The following SNCAIP variants were observed in gnomAD, a reference collection of about 807,000 sequenced individuals.
The protein encoded by SNCAIP is synuclein alpha interacting protein.
In SNCAIP, 43 loss-of-function variants were observed where a neutral mutation model predicts 86.7. That is an observed-to-expected ratio of 0.50 (90% confidence interval 0.39 to 0.64). SNCAIP has a LOEUF of 0.64. SNCAIP is among the 30% of genes least tolerant of loss of function. The pLI is 0.00. For missense variants in SNCAIP, 981 were observed against 1,103.1 expected (o/e 0.89, Z 1.57); for synonymous variants, 417 against 427.2 (o/e 0.98, Z 0.29).
In SNCAIP at chr5:122,444,602, C is replaced by G. The variant is rs1277279755; in HGVS notation, c.1462C>G (p.His488Asp). 6.2e-7 allele frequency: 1 copy of G among 1,614,036 alleles called. No individual in the cohort carries two copies. The highest frequency in any genetic ancestry group is 1.3e-5 in the African/African-American group (1 of 74,918). The part of the protein sequence containing the change: ...EYGANVTMQN[H>D]AGEKPSQSAE... ...TGGAGCAAATGTCACCATGCAGAAC[C>G]ACGCTGGGGAAAAGCCCTCCCAGAG... The change falls in exon 8 of 11, where the codon CAC (histidine) becomes GAC (aspartate). Residue 488 changes from histidine (H) to aspartate (D), a missense_variant. Physicochemically the swap from His to Asp is moderately conservative, Grantham distance 81 (BLOSUM62 -1). Transcript: ENST00000261368.
chr5:122,356,641 C>A (rs1021944424), intron 1 of SNCAIP, among the ~76,000 whole-genome samples: 40 of 152,170 alleles, frequency 2.6e-4, no homozygotes, highest in Admixed American at 2.6e-3. Flanking sequence ...GGGTCAGTCC[C>A]TCCCCAGTGC....
At chr5:122,396,197 T>A (rs1415343891) in intron 2 of SNCAIP, among the ~76,000 whole-genome samples, 2 of 152,186 alleles carry the variant, frequency 1.3e-5, no homozygotes, top group Non-Finnish European at 2.9e-5. Context: ...TGTTCTAACA[T>A]CATATGCCAT....
chr5:122,343,429 T>C (rs966582368), intron 1 of SNCAIP, among the ~76,000 whole-genome samples: 1 of 152,194 alleles, frequency 6.6e-6, no homozygotes, highest in Non-Finnish European at 1.5e-5. Context: ...ATTTTAACTA[T>C]AGGATATTTG....
intron 1 of SNCAIP, among the ~76,000 whole-genome samples, chr5:122,356,639 C>A (rs1157693052): frequency 6.6e-6 from 1 of 152,172 alleles, no homozygotes; most frequent in Non-Finnish European, 1.5e-5. Flanking sequence ...CAGGGTCAGT[C>A]CCTCCCCAGT....
At position 122,403,708 on chromosome 5, in the gene SNCAIP, T is replaced by C. The variant is rs112222518; in HGVS notation, c.58-85T>C. ...ACATGTTGTGCCCAAGTATCACTTATTGTGTTTTGTTTTTCTGGCCAATCT... is the reference window on the plus strand; with the variant it reads ...ACATGTTGTGCCCAAGTATCACTTACTGTGTTTTGTTTTTCTGGCCAATCT... On this transcript the variant is annotated intron_variant, in intron 2 of 10. Coordinates refer to ENST00000261368, the MANE Select transcript of SNCAIP (RefSeq NM_005460.4). The C allele has an allele frequency of 3.2e-4, 324 of 1,020,530 alleles. No homozygotes were observed. In the African/African-American group the frequency reaches 4.2e-3, roughly 13 times the overall value. The allele number at this position is 1,020,530 out of a possible 1,614,324, so 63.2% of individuals were successfully genotyped here.
In SNCAIP at chr5:122,451,263, C is replaced by T. The variant is rs746527609; in HGVS notation, c.2416C>T (p.Arg806Cys). ...TGCCCTCAAGTCTCCATCTTCCAAG[C>T]GTAGGACATCTCAGAACTTAAAACT... Reference protein sequence around the residue: ...KSALKSPSSKRRTSQNLKLRV... With the variant: ...KSALKSPSSKCRTSQNLKLRV... The change falls in exon 10 of 11, where the codon CGT becomes TGT. Residue 806 changes from arginine to cysteine, a missense_variant. Arg to Cys is a radical substitution (Grantham distance 180, BLOSUM62 -3). Coordinates refer to ENST00000261368, the MANE Select transcript of SNCAIP (RefSeq NM_005460.4). The T allele has an allele frequency of 1.1e-5, 17 of 1,614,014 alleles. No individual in the cohort carries two copies. Among genetic ancestry groups the T allele is most frequent in the Admixed American group, 1.7e-5 (1 of 59,996 alleles).
chr5:122,367,280 A>C (rs1182529236), intron 1 of SNCAIP, among the ~76,000 whole-genome samples: 1 of 152,204 alleles, frequency 6.6e-6, no homozygotes, highest in Non-Finnish European at 1.5e-5. Flanking sequence ...AGACAGGTCC[A>C]GGTGTGATTG....
chr5:122,410,808 G>A (rs1439192318), intron 3 of SNCAIP, among the ~76,000 whole-genome samples: 2 of 152,200 alleles, frequency 1.3e-5, no homozygotes. Flanking sequence ...GGGTGACAGC[G>A]AGATTCCGTC....
intron 1 of SNCAIP, among the ~76,000 whole-genome samples, chr5:122,345,739 C>A (rs1758492910): frequency 6.6e-6 from 1 of 152,134 alleles, no homozygotes; most frequent in Non-Finnish European, 1.5e-5. Context: ...TGGTTCACTG[C>A]AACCTTTAAC....
chr5:122,428,276 G>A (rs1222316502), intron 5 of SNCAIP, among the ~76,000 whole-genome samples: 2 of 152,052 alleles, frequency 1.3e-5, no homozygotes, highest in Admixed American at 1.3e-4. Flanking sequence ...GTGGCCCCAG[G>A]CCCATAGACT....
chr5:122,338,877 GT>G (rs1199527994), intron 1 of SNCAIP, among the ~76,000 whole-genome samples: 1 of 152,100 alleles, frequency 6.6e-6, no homozygotes, highest in Non-Finnish European at 1.5e-5. Context: ...AATATATTAA[GT>G]CCTCTAAATA....
At chr5:122,354,772 C>G (rs1760670820) in intron 1 of SNCAIP, among the ~76,000 whole-genome samples, 1 of 152,038 alleles carries the variant, frequency 6.6e-6, no homozygotes, top group South Asian at 2.1e-4. Context: ...ATCAACTGGA[C>G]TTTTATTCAT....
chr5:122,321,599 T>C (rs946659877), intron 1 of SNCAIP: 1 of 152,214 alleles, frequency 6.6e-6, no homozygotes, highest in South Asian at 2.1e-4. Context: ...AAGCCCACCA[T>C]TGGCAGTGGG....
At chr5:122,450,060 G>A in intron 9 of SNCAIP, 123 bp downstream of exon 9, 1 of 728,242 alleles carries the variant, frequency 1.4e-6, no homozygotes, top group African/African-American at 1.8e-5. Context: ...TTATAAAGAG[G>A]AATAAAAATG....
At chr5:122,410,284 A>T (rs1773856160) in intron 3 of SNCAIP, among the ~76,000 whole-genome samples, 1 of 152,136 alleles carries the variant, frequency 6.6e-6, no homozygotes, top group Admixed American at 6.5e-5. Flanking sequence ...TATGAGGACA[A>T]TTTTTGCTGC....
intron 1 of SNCAIP, among the ~76,000 whole-genome samples, chr5:122,352,528 T>C (rs548984699): frequency 6.6e-6 from 1 of 152,318 alleles, no homozygotes; most frequent in Admixed American, 6.5e-5. Context: ...GACTCATCAA[T>C]TGTGGGCAAA....
At chr5:122,332,397 A>T (rs1383611051) in intron 1 of SNCAIP, among the ~76,000 whole-genome samples, 2 of 152,266 alleles carry the variant, frequency 1.3e-5, no homozygotes, top group Non-Finnish European at 1.5e-5. Context: ...TCCATGTGTA[A>T]TGAAACAAGT....
At chr5:122,337,781 G>A (rs1306562250) in intron 1 of SNCAIP, among the ~76,000 whole-genome samples, 1 of 152,138 alleles carries the variant, frequency 6.6e-6, no homozygotes, top group Admixed American at 6.6e-5. Flanking sequence ...CTCAGGTGAT[G>A]CGCCCACCTC....
intron 6 of SNCAIP, among the ~76,000 whole-genome samples, chr5:122,433,112 AGTGT>A (rs34711914): frequency 0.046 from 6,760 of 147,766 alleles, 269 homozygotes; most frequent in African/African-American, 0.11. Flanking sequence ...AACTTCTAGT[AGTGT>A]GTGTGTGTGT....
Sources: gnomAD v4.1 joint callset for allele counts (sites outside exome capture counted in the v4.1 genomes callset) on GRCh38, gnomAD v4.1.1 for gene constraint, MANE v1.5 for transcripts, NCBI Gene and HGNC (gene_info 2026-07-23, HGNC 2026-07-21) for gene names.